The following FSIP2 variants were observed in gnomAD, a reference collection of about 807,000 sequenced individuals.
The protein encoded by FSIP2 is fibrous sheath interacting protein 2, also known as fibrous sheath-interacting protein 2.
Under a neutral mutation model 510.5 loss-of-function variants are expected in FSIP2, and 367 were observed. The ratio of observed to expected loss-of-function variants is 0.72; its 90% CI spans 0.66 to 0.78. FSIP2 has a LOEUF of 0.78. Ranked by LOEUF, FSIP2 falls within the 30% of genes least tolerant of loss-of-function variation. FSIP2 has a pLI of 0.00. For missense variants in FSIP2, 7,594 were observed against 7,901.7 expected (o/e 0.96, Z 1.48); for synonymous variants, 2,601 against 2,732.2 (o/e 0.95, Z 1.50).
intron 6 of FSIP2, 53 bp downstream of exon 6, chr2:185,746,863 C>A (rs1230085597): frequency 4.0e-6 from 5 of 1,264,218 alleles, no homozygotes; most frequent in African/African-American, 3.0e-5. Flanking sequence ...ACAGTTGTTG[C>A]ATTTGTAAAT....
intron 16 of FSIP2, 102 bp downstream of exon 16, chr2:185,797,628 T>A (rs2105630551): frequency 1.6e-6 from 2 of 1,251,852 alleles, no homozygotes; most frequent in Middle Eastern, 1.9e-4. Context: ...GTATTCACTA[T>A]TTTTCTGAAA....
intron 19 of FSIP2, among the ~76,000 whole-genome samples, chr2:185,820,125 C>T (rs146347638): frequency 7.2e-5 from 11 of 152,010 alleles, no homozygotes; most frequent in Admixed American, 4.6e-4. Context: ...CCCCACATGT[C>T]GTGAGAAGGA....
chr2:185,789,156 T>A lies in FSIP2; in HGVS notation c.2020T>A (p.Leu674Met), dbSNP rs992790078. Residue 674 changes from leucine (L) to methionine (M), a missense_variant, in exon 16 of 23, where the codon TTG (leucine) becomes ATG (methionine). By Grantham distance (15) the Leu-to-Met change is conservative (BLOSUM62 2). Transcript: ENST00000424728. ...TGAAACAGATAGCTTAGGGAGTTCA[T>A]TGCATTGTGATAAAACAGCAAAAGC... is the stretch of plus-strand genomic sequence containing the variant. ...TTETDSLGSS[L>M]HCDKTAKAMD... 27 of 1,534,942 alleles carry A rather than the reference T, an allele frequency of 1.8e-5. No homozygotes were observed. The African/African-American group carries it at 2.6e-4, about 15-fold the overall frequency.
chr2:185,801,693 G>T lies in FSIP2; in HGVS notation c.12387G>T (p.Arg4129Ser). 2 of 1,526,834 alleles carry T rather than the reference G, an allele frequency of 1.3e-6. No homozygotes were observed. Among genetic ancestry groups the T allele is most frequent in the Non-Finnish European group, 1.7e-6 (2 of 1,143,250 alleles). The allele number at this position is 1,526,834 out of a possible 1,614,324, so 94.6% of individuals were successfully genotyped here. ...SNLTEFTSLP[R>S]SSSDYSTMLS... ...TAACAGAATTTACTTCTCTACCCAG[G>T]TCTTCATCAGACTATAGTACCATGT... Residue 4129 changes from arginine (R) to serine (S), a missense_variant, in exon 17 of 23, where the codon AGG (arginine) becomes AGT (serine). Transcript: ENST00000424728.
At chr2:185,810,878 G>A (rs776491167) in intron 17 of FSIP2, among the ~76,000 whole-genome samples, 1 of 152,052 alleles carries the variant, frequency 6.6e-6, no homozygotes, top group Non-Finnish European at 1.5e-5. Context: ...CCAGGCTGAT[G>A]AGGTCTCAGA....
In FSIP2 at chr2:185,801,092, C is replaced by T. The variant is rs778679953; in HGVS notation, c.11786C>T (p.Pro3929Leu). Reference protein sequence around the residue: ...PSVVSSKIQAPFNKHCAVKSS... With the variant: ...PSVVSSKIQALFNKHCAVKSS... ...GTGGTTAGCTCCAAAATACAAGCAC[C>T]ATTTAACAAGCATTGTGCAGTAAAA... is the stretch of plus-strand genomic sequence containing the variant. The change falls in exon 17 of 23, where the codon CCA (proline) becomes CTA (leucine). Residue 3929 changes from proline (P) to leucine (L), a missense_variant. Coordinates refer to ENST00000424728, the MANE Select transcript of FSIP2 (RefSeq NM_173651.4). 9.7e-5 allele frequency: 149 copies of T among 1,531,956 alleles called. No individual in the cohort carries two copies. Among genetic ancestry groups the T allele is most frequent in the Non-Finnish European group, 1.3e-4 (147 of 1,144,784 alleles). 94.9% of individuals were successfully genotyped at this position (1,531,956 alleles called of 1,614,324 possible). A position where few individuals can be genotyped will look rare whatever the true frequency, so the allele number is the denominator to read the frequency against.
chr2:185,786,358 C>T, intron 15 of FSIP2, 70 bp downstream of exon 15: 1 of 1,011,558 alleles, frequency 9.9e-7, no homozygotes, highest in Admixed American at 2.5e-5. Context: ...TAATAGAAAA[C>T]ATTTTGTTAA....
At position 185,796,437 on chromosome 2, in the gene FSIP2, A is replaced by G. The variant is rs554703453; in HGVS notation, c.9301A>G (p.Ile3101Val). Residue 3101 changes from isoleucine (I) to valine (V), a missense_variant, in exon 16 of 23, where the codon ATA (isoleucine) becomes GTA (valine). Ile to Val is a conservative substitution (Grantham distance 29). Coordinates refer to ENST00000424728, the MANE Select transcript of FSIP2 (RefSeq NM_173651.4). ...AATTAAGAACAAGCTAGACAACGAAATAAGCCAAATGGAACCATCTTCAAT... is the reference window on the plus strand; with the variant it reads ...AATTAAGAACAAGCTAGACAACGAAGTAAGCCAAATGGAACCATCTTCAAT... ...AVIKNKLDNEISQMEPSSISI... is the reference protein window; with the variant it reads ...AVIKNKLDNEVSQMEPSSISI... 272 of 1,534,802 alleles carry G rather than the reference A, an allele frequency of 1.8e-4. 1 individual carries two copies. The African/African-American group carries it at 3.1e-3, about 17-fold the overall frequency.
chr2:185,778,446 T>C (rs1470711662), intron 13 of FSIP2, among the ~76,000 whole-genome samples: 1 of 152,060 alleles, frequency 6.6e-6, no homozygotes, highest in Non-Finnish European at 1.5e-5. Flanking sequence ...ATATAATATT[T>C]CATTTTTTTC....
In FSIP2 at chr2:185,793,472, A is replaced by G; in HGVS notation, c.6336A>G (p.Ser2112=). 1 of 1,534,526 alleles carries G rather than the reference A, an allele frequency of 6.5e-7. No homozygotes were observed. Among genetic ancestry groups the G allele is most frequent in the African/African-American group, 1.4e-5 (1 of 73,002 alleles). ...AAACCCTGTTTCAGAATAATCTCTC[A>G]TTTGCCACACCCACTCTGAAATGTA... ...YEKTLFQNNL[S]FATPTLKCSI... Residue 2112 remains serine, a synonymous_variant, in exon 16 of 23, where the codon TCA becomes TCG. Transcript: ENST00000424728.
chr2:185,805,006 C>A lies in FSIP2; in HGVS notation c.15700C>A (p.His5234Asn). Reference sequence around the variant, plus strand: ...TTTTATTATGAAAGAAATCATGTATCATCATTTACAGCCATTTTTACATGG... The same window carrying A: ...TTTTATTATGAAAGAAATCATGTATAATCATTTACAGCCATTTTTACATGG... ...AGFIMKEIMYHHLQPFLHGEE... is the reference protein window; with the variant it reads ...AGFIMKEIMYNHLQPFLHGEE... Residue 5234 changes from histidine to asparagine, a missense_variant, in exon 17 of 23, where the codon CAT becomes AAT. Physicochemically the swap from His to Asn is moderately conservative, Grantham distance 68. Coordinates refer to ENST00000424728, the MANE Select transcript of FSIP2 (RefSeq NM_173651.4). The A allele has an allele frequency of 1.3e-6, 2 of 1,583,136 alleles. No homozygotes were observed. Among genetic ancestry groups the A allele is most frequent in the South Asian group, 1.1e-5 (1 of 89,160 alleles).
intron 13 of FSIP2, among the ~76,000 whole-genome samples, chr2:185,769,141 G>A (rs1692556581): frequency 6.6e-6 from 1 of 152,104 alleles, no homozygotes; most frequent in African/African-American, 2.4e-5. Flanking sequence ...GTTCCTTTGG[G>A]TATATAGCCA....
rs1245869507 is a variant in FSIP2, at chr2:185,795,286, T to C, written c.8150T>C (p.Met2717Thr). ...SKTAIGLSHI[M>T]SAGDAKNLLD... ...ACTGCCATTGGGTTGTCACACATCA[T>C]GTCAGCTGGAGATGCCAAAAATTTA... Residue 2717 changes from methionine to threonine, a missense_variant, in exon 16 of 23, where the codon ATG becomes ACG. Transcript: ENST00000424728. 1.3e-6 allele frequency: 2 copies of C among 1,535,044 alleles called. No individual in the cohort carries two copies. Among genetic ancestry groups the C allele is most frequent in the East Asian group, 2.4e-5 (1 of 40,878 alleles).
Position 185,808,414 on chromosome 2 carries a change from G to A in FSIP2, c.19108G>A (p.Glu6370Lys), listed in dbSNP as rs1357712183. 1.9e-6 allele frequency: 3 copies of A among 1,607,976 alleles called. No homozygotes were observed. The highest frequency in any genetic ancestry group is 2.7e-5 in the African/African-American group (2 of 74,398). The change falls in exon 17 of 23, where the codon GAA becomes AAA. Residue 6370 changes from glutamate (E) to lysine (K), a missense_variant. Glu to Lys is a moderately conservative substitution (Grantham distance 56). Transcript: ENST00000424728. ...GTTGCCAAGTTCCTCAAGCAAAGAT[G>A]AAAAAAACTTATCAAAGACTGAGTT... Reference protein sequence around the residue: ...IRLPSSSSKDEKNLSKTELNK... With the variant: ...IRLPSSSSKDKKNLSKTELNK...
intron 7 of FSIP2, among the ~76,000 whole-genome samples, chr2:185,752,566 T>C (rs897699784): frequency 4.0e-5 from 6 of 151,384 alleles, no homozygotes; most frequent in Non-Finnish European, 8.9e-5. Context: ...AGTTGTCCCA[T>C]ATCTCACTGA....
At chr2:185,740,057 ATT>A (rs1691892983) in intron 2 of FSIP2, among the ~76,000 whole-genome samples, 1 of 152,108 alleles carries the variant, frequency 6.6e-6, no homozygotes, top group Non-Finnish European at 1.5e-5. Flanking sequence ...TCCATCCAGC[ATT>A]GTCTCCAACC....
chr2:185,771,450 C>T (rs980214957), intron 13 of FSIP2, among the ~76,000 whole-genome samples: 2 of 152,212 alleles, frequency 1.3e-5, no homozygotes, highest in African/African-American at 4.8e-5. Context: ...CTAAACAGCA[C>T]ATAGAACCTG....
At chr2:185,771,934 T>C (rs763391282) in intron 13 of FSIP2, among the ~76,000 whole-genome samples, 2 of 152,212 alleles carry the variant, frequency 1.3e-5, no homozygotes, top group African/African-American at 2.4e-5. Flanking sequence ...AGCCACATCA[T>C]TTCTCGAATG....
Position 185,802,946 on chromosome 2 carries a change from T to C in FSIP2, c.13640T>C (p.Val4547Ala). The C allele has an allele frequency of 2.0e-6, 3 of 1,521,474 alleles. No individual in the cohort carries two copies. Among genetic ancestry groups the C allele is most frequent in the Non-Finnish European group, 1.8e-6 (2 of 1,141,364 alleles). 94.2% of individuals were successfully genotyped at this position (1,521,474 alleles called of 1,614,324 possible). A position where few individuals can be genotyped will look rare whatever the true frequency, so the allele number is the denominator to read the frequency against. ...EDDIQHLVDSVFANVVQTSGS... is the reference protein window; with the variant it reads ...EDDIQHLVDSAFANVVQTSGS... ...GATATTCAGCACCTTGTTGATTCAG[T>C]ATTTGCAAATGTTGTGCAAACCTCT... Residue 4547 changes from valine (V) to alanine (A), a missense_variant, in exon 17 of 23, where the codon GTA becomes GCA. Physicochemically the swap from Val to Ala is moderately conservative, Grantham distance 64 (BLOSUM62 0). Transcript: ENST00000424728.
Sources: allele counts gnomAD v4.1 joint callset (sites outside exome capture counted in the v4.1 genomes callset), GRCh38; gene constraint gnomAD v4.1.1; transcripts MANE v1.5; gene names NCBI Gene and HGNC (gene_info 2026-07-23, HGNC 2026-07-21).